The following FAM193A variants were observed in gnomAD, a reference collection of about 807,000 sequenced individuals.
FAM193A encodes the protein protein FAM193A.
FAM193A carries 22 observed loss-of-function variants against 126.5 expected under a neutral mutation model. The ratio of observed to expected loss-of-function variants is 0.17; its 90% CI spans 0.12 to 0.25. The LOEUF (loss-of-function observed/expected upper bound fraction) is 0.25. Ranked by LOEUF, FAM193A falls within the 10% of genes least tolerant of loss-of-function variation. The pLI is 1.00. For synonymous variants in FAM193A, 761 were observed against 646.8 expected (o/e 1.18, Z -2.68); for missense variants, 1,675 against 1,672.8 (o/e 1.00, Z -0.02).
chr4:2,653,589 G>A (rs546960922), intron 7 of FAM193A, among the ~76,000 whole-genome samples: 17 of 151,898 alleles, frequency 1.1e-4, no homozygotes, highest in African/African-American at 2.7e-4. Context: ...GACTACAGGC[G>A]CCCGCCACCA....
chr4:2,696,681 C>T, intron 18 of FAM193A, 88 bp downstream of exon 18: 1 of 996,448 alleles, frequency 1.0e-6, no homozygotes, highest in Non-Finnish European at 1.5e-6. Flanking sequence ...CAGGGCTGAG[C>T]CACAGGAGGT....
chr4:2,704,511 G>C (rs1324958903), intron 19 of FAM193A, among the ~76,000 whole-genome samples: 1 of 151,708 alleles, frequency 6.6e-6, no homozygotes, highest in African/African-American at 2.4e-5. Context: ...GTTGCAGTGA[G>C]TCAAGATCAC....
chr4:2,680,193 C>G (rs1714942962), intron 13 of FAM193A, among the ~76,000 whole-genome samples: 1 of 152,120 alleles, frequency 6.6e-6, no homozygotes, highest in Non-Finnish European at 1.5e-5. Context: ...AGTTCAATCT[C>G]CTTACTAGTT....
intron 20 of FAM193A, among the ~76,000 whole-genome samples, chr4:2,731,025 C>G (rs1159031650): frequency 6.6e-6 from 1 of 151,504 alleles, no homozygotes; most frequent in Non-Finnish European, 1.5e-5. Flanking sequence ...GTGAAACCCT[C>G]TTTCTACTAA....
At chr4:2,717,329 A>T (rs1396215876) in intron 20 of FAM193A, among the ~76,000 whole-genome samples, 1 of 152,200 alleles carries the variant, frequency 6.6e-6, no homozygotes, top group Non-Finnish European at 1.5e-5. Flanking sequence ...CTGGTGGCTC[A>T]CACCTGTAAT....
chr4:2,548,714 C>T (rs1737722676), intron 1 of FAM193A, among the ~76,000 whole-genome samples: 1 of 151,878 alleles, frequency 6.6e-6, no homozygotes, highest in Non-Finnish European at 1.5e-5. Flanking sequence ...GCCTCAGCCT[C>T]CCAAAGTGCT....
chr4:2,723,427 T>C (rs376995982), intron 20 of FAM193A, among the ~76,000 whole-genome samples: 2 of 151,148 alleles, frequency 1.3e-5, no homozygotes, highest in South Asian at 4.2e-4. Context: ...ATACAAAAAT[T>C]AGCAAGATGT....
chr4:2,648,647 TC>T (rs1745370818), intron 7 of FAM193A, among the ~76,000 whole-genome samples: 2 of 152,276 alleles, frequency 1.3e-5, no homozygotes, highest in South Asian at 4.2e-4. Context: ...GCCTGGAGCA[TC>T]CCAGGGGCTG....
chr4:2,706,437 C>T (rs561862918), intron 19 of FAM193A, among the ~76,000 whole-genome samples: 3 of 151,740 alleles, frequency 2.0e-5, no homozygotes, highest in African/African-American at 4.8e-5. Flanking sequence ...GCTGGGATTA[C>T]AGCCATGCAC....
chr4:2,702,832 G>A (rs767672060), intron 19 of FAM193A, among the ~76,000 whole-genome samples: 1 of 152,188 alleles, frequency 6.6e-6, no homozygotes, highest in African/African-American at 2.4e-5. Context: ...GCCTCAGGGT[G>A]TGGTGATTAC....
At chr4:2,625,654 G>A in intron 3 of FAM193A, 1 of 314,782 alleles carries the variant, frequency 3.2e-6, no homozygotes, top group Non-Finnish European at 5.8e-6. Flanking sequence ...GTGAATGAGA[G>A]GAGCGATGGG....
At chr4:2,630,834 A>C in intron 4 of FAM193A, 101 bp from the exon 5 acceptor site, 14 of 654,750 alleles carry the variant, frequency 2.1e-5, no homozygotes, top group Admixed American at 1.0e-4. Context: ...GGTCATCTAG[A>C]GGTGGCCACC....
At chr4:2,662,604 T>G (rs1207240785) in intron 10 of FAM193A, among the ~76,000 whole-genome samples, 3 of 152,216 alleles carry the variant, frequency 2.0e-5, no homozygotes, top group Admixed American at 6.5e-5. Context: ...TTTGGAGGTT[T>G]TTCTGTTTGT....
chr4:2,635,994 G>T (rs1298557010), intron 5 of FAM193A, among the ~76,000 whole-genome samples: 5 of 147,714 alleles, frequency 3.4e-5, no homozygotes, highest in Non-Finnish European at 5.9e-5. Flanking sequence ...GTTGGAAAAA[G>T]GACGAATTTT....
intron 1 of FAM193A, among the ~76,000 whole-genome samples, chr4:2,537,843 C>T (rs1020008658): frequency 3.9e-5 from 6 of 152,172 alleles, no homozygotes; most frequent in East Asian, 1.9e-4. Flanking sequence ...GGTTTGGTTA[C>T]TCAGGTATGT....
At chr4:2,549,995 G>A (rs909946769) in intron 1 of FAM193A, among the ~76,000 whole-genome samples, 5 of 150,390 alleles carry the variant, frequency 3.3e-5, no homozygotes, top group African/African-American at 1.2e-4. Flanking sequence ...CCAAAGTGCG[G>A]GGATTACAGG....
At chr4:2,675,209 T>C (rs1308214539) in intron 13 of FAM193A, among the ~76,000 whole-genome samples, 1 of 152,228 alleles carries the variant, frequency 6.6e-6, no homozygotes, top group African/African-American at 2.4e-5. Flanking sequence ...GAGGAATATG[T>C]GTTCTGCCGT....
rs751026096 is a variant in FAM193A, at chr4:2,690,832, T to A, written c.2665T>A (p.Phe889Ile). ...TGCAAAAAAGAAATGTTTATACAAT[T>A]TCCAAGATGCTTTCATGGAAGCAAA... ...NAAKKKCLYNFQDAFMEANKV... is the reference protein window; with the variant it reads ...NAAKKKCLYNIQDAFMEANKV... The change falls in exon 15 of 21, where the codon TTC (phenylalanine) becomes ATC (isoleucine). Residue 889 changes from phenylalanine (F) to isoleucine (I), a missense_variant. By Grantham distance (21) the Phe-to-Ile change is conservative (BLOSUM62 0). Around this residue, in one of 4 missense-constraint regions of FAM193A, gnomAD observed 1,186 missense variants for 1,109.2 expected, o/e 1.07. Transcript: ENST00000637812. 1 of 1,614,232 alleles carries A rather than the reference T, an allele frequency of 6.2e-7. No individual in the cohort carries two copies. Among genetic ancestry groups the A allele is most frequent in the East Asian group, 2.2e-5 (1 of 44,892 alleles).
In FAM193A at chr4:2,692,269, G is replaced by A. The variant is rs537384951; in HGVS notation, c.2803+1299G>A. On this transcript the variant is annotated intron_variant, in intron 15 of 20. Coordinates refer to ENST00000637812, the MANE Select transcript of FAM193A (RefSeq NM_001366318.2). ...GAACGAGTACACGGCGAAGGGGGAA[G>A]CCCCTTATAAAACCATCAGCTCTCG... Among the ~76,000 whole-genome samples, 7 of 152,280 alleles carry A rather than the reference G, an allele frequency of 4.6e-5. No homozygotes were observed. In the South Asian group the frequency reaches 1.5e-3, roughly 32 times the overall value.
Sources: gnomAD v4.1 joint callset for allele counts (sites outside exome capture counted in the v4.1 genomes callset) on GRCh38, gnomAD v4.1.1 for gene constraint, gnomAD v4.1.1 regional missense constraint, MANE v1.5 for transcripts, NCBI Gene and HGNC (gene_info 2026-07-23, HGNC 2026-07-21) for gene names.